Variants in PDPN observed in about 807,000 individuals in gnomAD.
PDPN encodes the protein podoplanin.
Under a neutral mutation model 23.2 loss-of-function variants are expected in PDPN, and 12 were observed. The ratio of observed to expected loss-of-function variants is 0.52; its 90% CI spans 0.33 to 0.84. The LOEUF (loss-of-function observed/expected upper bound fraction) is 0.84, where lower values mean the gene tolerates loss of function less well. PDPN is among the 40% of genes least tolerant of loss of function. The probability of loss-of-function intolerance (pLI) is 0.02; values close to 1 mark genes in which losing one functional copy is unlikely to be tolerated. For synonymous variants in PDPN, 77 were observed against 76.7 expected, an observed-to-expected ratio of 1.00 and a Z score of -0.02; for missense variants, 199 against 212.2, an observed-to-expected ratio of 0.94 and a Z score of 0.39.
At position 13,612,284 on chromosome 1, in the gene PDPN, G is replaced by A. The variant is rs547746575; in HGVS notation, c.332-1403G>A. ...TTGCTGTGAAACACCCAAATACGAT[G>A]ACGTGCACATGTATGATGCATGCTT... On this transcript the variant is annotated intron_variant, in intron 3 of 5. Coordinates refer to ENST00000621990, the MANE Select transcript of PDPN (RefSeq NM_006474.5). Among the ~76,000 whole-genome samples, 4 of 152,334 alleles carry A rather than the reference G, an allele frequency of 2.6e-5. No homozygotes were observed. The South Asian group carries it at 8.3e-4, about 32-fold the overall frequency.
chr1:13,600,757 G>A (rs1640622781), intron 1 of PDPN, among the ~76,000 whole-genome samples: 1 of 152,120 alleles, frequency 6.6e-6, no homozygotes, highest in South Asian at 2.1e-4. Context: ...CCTGTAATAA[G>A]GGGCATTGCA....
intron 1 of PDPN, among the ~76,000 whole-genome samples, chr1:13,604,146 GTA>G (rs1186024027): frequency 2.0e-5 from 3 of 152,198 alleles, no homozygotes; most frequent in Non-Finnish European, 4.4e-5. Flanking sequence ...GTGCATCCCT[GTA>G]TGTGTGTGTG....
intron 1 of PDPN, among the ~76,000 whole-genome samples, chr1:13,603,494 C>T (rs141083650): frequency 6.6e-6 from 1 of 152,074 alleles, no homozygotes; most frequent in East Asian, 1.9e-4. Flanking sequence ...TATAAATAAG[C>T]ATTGCTTACG....
In PDPN at chr1:13,583,924, C is replaced by A. The variant is rs142084255; in HGVS notation, c.-110C>A. On this transcript the variant is annotated 5_prime_UTR_variant, in exon 1 of 6. Coordinates refer to ENST00000621990, the MANE Select transcript of PDPN (RefSeq NM_006474.5). Reference sequence around the variant, plus strand: ...CCTGCTCCCACCCCTCCGGCCCCCCCACCGTCGCGCTCCTCCAGGCTGGGC... The same window carrying A: ...CCTGCTCCCACCCCTCCGGCCCCCCAACCGTCGCGCTCCTCCAGGCTGGGC... 5 of 1,612,834 alleles carry A rather than the reference C, an allele frequency of 3.1e-6. No homozygotes were observed. The highest frequency in any genetic ancestry group is 1.6e-4 in the Middle Eastern group (1 of 6,080).
At position 13,611,267 on chromosome 1, in the gene PDPN, C is replaced by CT. The variant is rs201184467; in HGVS notation, c.331+760dup. Among the ~76,000 whole-genome samples, 773 of 150,388 alleles carry CT rather than the reference C, an allele frequency of 5.1e-3. 4 individuals are homozygous for CT. The highest frequency in any genetic ancestry group is 0.025 in the South Asian group (117 of 4,722). On this transcript the variant is annotated intron_variant, in intron 3 of 5. Transcript: ENST00000621990. The stretch of plus-strand genomic sequence containing the variant: ...AAACAAACAAACAAACAAAAACAAG[C>CT]TTTTTTTTTGTACCCCCATGTTTAT...
chr1:13,592,050 T>A (rs1347194209), intron 1 of PDPN, among the ~76,000 whole-genome samples: 1 of 152,238 alleles, frequency 6.6e-6, no homozygotes, highest in African/African-American at 2.4e-5. Context: ...CAATTTGCAT[T>A]TTCCTAATGA....
At chr1:13,588,720 C>T (rs1640252191) in intron 1 of PDPN, among the ~76,000 whole-genome samples, 1 of 148,472 alleles carries the variant, frequency 6.7e-6, no homozygotes. Context: ...ACTCTGTCAC[C>T]CAGGCTGGAG....
At chr1:13,613,340 C>G (rs1640982307) in intron 3 of PDPN, among the ~76,000 whole-genome samples, 1 of 152,152 alleles carries the variant, frequency 6.6e-6, no homozygotes, top group Admixed American at 6.5e-5. Flanking sequence ...ATCCACAGCT[C>G]TGGATTCTTC....
chr1:13,608,708 G>A (rs1486348359), intron 2 of PDPN, among the ~76,000 whole-genome samples: 2 of 152,140 alleles, frequency 1.3e-5, no homozygotes, highest in Admixed American at 6.6e-5. Context: ...GTTGTTTCTC[G>A]CAGGACTGGT....
intron 2 of PDPN, among the ~76,000 whole-genome samples, chr1:13,609,528 A>C (rs960833706): frequency 6.6e-6 from 1 of 152,122 alleles, no homozygotes; most frequent in African/African-American, 2.4e-5. Context: ...CATTAAACCG[A>C]TCTCCAGAAC....
At chr1:13,585,029 G>A (rs565234410) in intron 1 of PDPN, among the ~76,000 whole-genome samples, 2 of 152,272 alleles carry the variant, frequency 1.3e-5, no homozygotes, top group South Asian at 4.1e-4. Context: ...GCAGGACGCA[G>A]CTACATCCAG....
chr1:13,592,659 C>T (rs1640379649), intron 1 of PDPN, among the ~76,000 whole-genome samples: 1 of 150,696 alleles, frequency 6.6e-6, no homozygotes, highest in Non-Finnish European at 1.5e-5. Context: ...AAGTGATTCT[C>T]CTGCCTCAGC....
At chr1:13,592,245 T>A (rs1393550247) in intron 1 of PDPN, among the ~76,000 whole-genome samples, 1 of 152,212 alleles carries the variant, frequency 6.6e-6, no homozygotes, top group African/African-American at 2.4e-5. Context: ...TGCAGACTTT[T>A]CTCCCATCCT....
intron 1 of PDPN, among the ~76,000 whole-genome samples, chr1:13,588,493 AGAG>A (rs1295000707): frequency 5.3e-5 from 8 of 151,638 alleles, no homozygotes; most frequent in Middle Eastern, 3.5e-3. Context: ...TTTGCCTAGA[AGAG>A]GAGAAGAATG....
In PDPN at chr1:13,595,810, C is replaced by T. The variant is rs772179226; in HGVS notation, c.68-11363C>T. On this transcript the variant is annotated intron_variant, in intron 1 of 5. Coordinates refer to ENST00000621990, the MANE Select transcript of PDPN (RefSeq NM_006474.5). ...GGTGCCGTGCTATCTTCAGCTATGCCGTCTCTTTCATTACAGGGGAAGGCG... is the reference window on the plus strand; with the variant it reads ...GGTGCCGTGCTATCTTCAGCTATGCTGTCTCTTTCATTACAGGGGAAGGCG... The T allele has an allele frequency of 1.3e-5, 16 of 1,208,318 alleles. 1 individual carries two copies. Among genetic ancestry groups the T allele is most frequent in the East Asian group, 1.1e-4 (2 of 17,668 alleles). The allele number at this position is 1,208,318 out of a possible 1,614,324, so 74.8% of individuals were successfully genotyped here.
chr1:13,604,605 A>AT lies in PDPN; in HGVS notation c.68-2556dup, dbSNP rs34703290. On this transcript the variant is annotated intron_variant, in intron 1 of 5. Coordinates refer to ENST00000621990, the MANE Select transcript of PDPN (RefSeq NM_006474.5). The stretch of plus-strand genomic sequence containing the variant: ...TCAATCTAATTTCATTGAGCACTTG[A>AT]TTTTTTTTTTTTAAAGCAAGGATTG... 1.2e-3 allele frequency among the ~76,000 whole-genome samples: 184 copies of AT among 149,580 alleles called. 1 individual carries two copies. Among genetic ancestry groups the AT allele is most frequent in the Non-Finnish European group, 1.9e-3 (130 of 67,182 alleles).
chr1:13,592,412 G>C (rs1640371103), intron 1 of PDPN, among the ~76,000 whole-genome samples: 1 of 151,646 alleles, frequency 6.6e-6, no homozygotes, highest in Non-Finnish European at 1.5e-5. Context: ...TACTCTTACA[G>C]TTTTAGCTCT....
chr1:13,585,508 G>A (rs887740521), intron 1 of PDPN: 26 of 1,349,760 alleles, frequency 1.9e-5, no homozygotes, highest in Non-Finnish European at 2.5e-5. Context: ...TGCTCACCAG[G>A]GCAAAGCAAG....
At position 13,616,079 on chromosome 1, in the gene PDPN, C is replaced by A; in HGVS notation, c.*168C>A. 1.5e-6 allele frequency: 1 copy of A among 649,990 alleles called. No homozygotes were observed. The highest frequency in any genetic ancestry group is 1.9e-5 in the South Asian group (1 of 53,676). The allele number at this position is 649,990 out of a possible 1,614,324, so 40.3% of individuals were successfully genotyped here. ...TTGCCAAAATAACCGAAGGAAAGAC[C>A]GTTCACCAGACTTGGCTCCTCTAAA... is the stretch of plus-strand genomic sequence containing the variant. On this transcript the variant is annotated 3_prime_UTR_variant, in exon 6 of 6. Coordinates refer to ENST00000621990, the MANE Select transcript of PDPN (RefSeq NM_006474.5).
Sources: allele counts gnomAD v4.1 joint callset (sites outside exome capture counted in the v4.1 genomes callset), GRCh38; gene constraint gnomAD v4.1.1; transcripts MANE v1.5; gene names NCBI Gene and HGNC (gene_info 2026-07-23, HGNC 2026-07-21).